The following CHRNA7 variants were observed in gnomAD, a reference collection of about 807,000 sequenced individuals.
The protein encoded by CHRNA7 is cholinergic receptor nicotinic alpha 7 subunit, also known as neuronal acetylcholine receptor subunit alpha-7.
CHRNA7 carries 17 observed loss-of-function variants against 48.0 expected under a neutral mutation model. That is an observed-to-expected ratio of 0.35 (90% CI 0.24 to 0.53). The LOEUF is 0.53. Among genes scored for constraint, CHRNA7 ranks in the 20% least tolerant of loss-of-function variants. The pLI is 0.92. For synonymous variants in CHRNA7, 75 were observed against 242.3 expected, an observed-to-expected ratio of 0.31 and a Z score of 6.41; for missense variants, 155 against 577.7, an observed-to-expected ratio of 0.27 and a Z score of 7.50.
intron 4 of CHRNA7, among the ~76,000 whole-genome samples, chr15:32,115,528 C>T (rs1039394): frequency 6.6e-6 from 1 of 151,988 alleles, no homozygotes; most frequent in African/African-American, 2.4e-5. Context: ...TCCAGCCCTA[C>T]TGCTTGTCCT....
intron 4 of CHRNA7, among the ~76,000 whole-genome samples, chr15:32,145,058 C>G (rs1283542025): frequency 6.6e-6 from 1 of 152,138 alleles, no homozygotes; most frequent in Admixed American, 6.5e-5. Flanking sequence ...GTTTTATCTA[C>G]CTTTGGTCTT....
chr15:32,094,751 C>T (rs2050439191), intron 2 of CHRNA7, among the ~76,000 whole-genome samples: 1 of 152,080 alleles, frequency 6.6e-6, no homozygotes, highest in Non-Finnish European at 1.5e-5. Context: ...AGCTCCGCCT[C>T]CCAGGTTCGT....
intron 2 of CHRNA7, among the ~76,000 whole-genome samples, chr15:32,098,186 G>T (rs536516520): frequency 1.0e-3 from 151 of 149,124 alleles, no homozygotes; most frequent in Non-Finnish European, 1.7e-3. Flanking sequence ...CAGAGCTGAA[G>T]TCCTCCCCCA....
At chr15:32,040,344 G>A (rs547980312) in intron 2 of CHRNA7, among the ~76,000 whole-genome samples, 2 of 151,330 alleles carry the variant, frequency 1.3e-5, no homozygotes, top group Non-Finnish European at 3.0e-5. Context: ...TGACTTTTAT[G>A]GTTTAGTTGG....
chr15:32,070,532 G>T (rs1159550691), intron 2 of CHRNA7, among the ~76,000 whole-genome samples: 2 of 151,838 alleles, frequency 1.3e-5, no homozygotes, highest in Non-Finnish European at 2.9e-5. Flanking sequence ...TCATGTCCAA[G>T]AACATTTCAC....
chr15:32,088,359 A>G (rs1223436128), intron 2 of CHRNA7, among the ~76,000 whole-genome samples: 5 of 152,180 alleles, frequency 3.3e-5, no homozygotes, highest in Admixed American at 6.5e-5. Flanking sequence ...TCCTGATTGC[A>G]TCCAGTTTTT....
intron 2 of CHRNA7, among the ~76,000 whole-genome samples, chr15:32,045,512 T>C (rs577915947): frequency 6.6e-6 from 1 of 152,178 alleles, no homozygotes; most frequent in South Asian, 2.1e-4. Flanking sequence ...ATACAGAGAA[T>C]TTACTAGAGT....
chr15:32,095,149 C>G (rs2050446524), intron 2 of CHRNA7, among the ~76,000 whole-genome samples: 1 of 152,216 alleles, frequency 6.6e-6, no homozygotes, highest in South Asian at 2.1e-4. Flanking sequence ...CATTGTGTCC[C>G]CAACAAACAG....
chr15:32,170,547 A>AAAAAG lies in CHRNA7; in HGVS notation c.*2093_*2097dup, dbSNP rs894379860. On this transcript the variant is annotated 3_prime_UTR_variant, in exon 10 of 10. Coordinates refer to ENST00000306901, the MANE Select transcript of CHRNA7 (RefSeq NM_000746.6). The stretch of plus-strand genomic sequence containing the variant: ...TTGATCCCTCCCACATTTTTGCTTT[A>AAAAAG]AAAAGAAACCTTTTTGGTTTTGTAT... 2 of 149,252 alleles carry AAAAAG rather than the reference A, an allele frequency of 1.3e-5. No homozygotes were observed. Among genetic ancestry groups the AAAAAG allele is most frequent in the African/African-American group, 5.0e-5 (2 of 40,248 alleles). The allele number at this position is 149,252 out of a possible 1,614,324, so 9.2% of individuals were successfully genotyped here. A position where few individuals can be genotyped will look rare whatever the true frequency, so the allele number is the denominator to read the frequency against.
chr15:32,106,854 A>G (rs927906844), intron 3 of CHRNA7, among the ~76,000 whole-genome samples: 3 of 152,214 alleles, frequency 2.0e-5, no homozygotes, highest in African/African-American at 7.2e-5. Context: ...TAAGATTTTA[A>G]GCTGTTATTT....
At chr15:32,045,912 T>C (rs1212764819) in intron 2 of CHRNA7, among the ~76,000 whole-genome samples, 1 of 148,310 alleles carries the variant, frequency 6.7e-6, no homozygotes, top group Non-Finnish European at 1.5e-5. Flanking sequence ...AGTGAGAACA[T>C]GTGGTGTTTG....
intron 2 of CHRNA7, among the ~76,000 whole-genome samples, chr15:32,078,429 G>A (rs569933687): frequency 9.2e-5 from 14 of 152,018 alleles, no homozygotes; most frequent in South Asian, 4.2e-4. Context: ...TTATTTTTTC[G>A]TATGTGGATG....
At chr15:32,055,989 A>C (rs1310308280) in intron 2 of CHRNA7, among the ~76,000 whole-genome samples, 6 of 152,020 alleles carry the variant, frequency 3.9e-5, no homozygotes, top group East Asian at 1.9e-4. Context: ...AAAAAAAAAA[A>C]CCAAAAAACA....
intron 4 of CHRNA7, among the ~76,000 whole-genome samples, chr15:32,131,471 G>C (rs1449109279): frequency 1.3e-5 from 2 of 151,908 alleles, no homozygotes; most frequent in African/African-American, 4.8e-5. Context: ...ATTGAGCCCA[G>C]CCTACATGTT....
chr15:32,148,067 T>G (rs2051529585), intron 4 of CHRNA7, among the ~76,000 whole-genome samples: 1 of 152,228 alleles, frequency 6.6e-6, no homozygotes, highest in Admixed American at 6.5e-5. Flanking sequence ...CCCTTCTCTC[T>G]CTCAGTCTTT....
chr15:32,131,507 A>G (rs2051156910), intron 4 of CHRNA7, among the ~76,000 whole-genome samples: 1 of 152,066 alleles, frequency 6.6e-6, no homozygotes, highest in Middle Eastern at 3.2e-3. Context: ...TGTATTTTTC[A>G]GTTCTAAATT....
intron 2 of CHRNA7, 28 bp downstream of exon 2, chr15:32,031,065 C>T: frequency 6.2e-7 from 1 of 1,612,794 alleles, no homozygotes; most frequent in Non-Finnish European, 8.5e-7. Flanking sequence ...ACAGGGCTGC[C>T]CTCTCCCCTT....
intron 2 of CHRNA7, among the ~76,000 whole-genome samples, chr15:32,061,082 G>A (rs1369607163): frequency 6.6e-6 from 1 of 152,194 alleles, no homozygotes; most frequent in African/African-American, 2.4e-5. Context: ...CTTGTGGCAA[G>A]CCCATTGGAT....
intron 2 of CHRNA7, among the ~76,000 whole-genome samples, chr15:32,085,331 GC>G (rs1365613407): frequency 1.3e-5 from 2 of 152,140 alleles, no homozygotes; most frequent in Non-Finnish European, 2.9e-5. Context: ...ACATTAGAGT[GC>G]CTGACATTGT....
Sources: gnomAD v4.1 joint callset for allele counts (sites outside exome capture counted in the v4.1 genomes callset) on GRCh38, gnomAD v4.1.1 for gene constraint, MANE v1.5 for transcripts, NCBI Gene and HGNC (gene_info 2026-07-23, HGNC 2026-07-21) for gene names.